The following SNX9 variants were observed in gnomAD, a reference collection of about 807,000 sequenced individuals.
The protein encoded by SNX9 is sorting nexin-9.
In SNX9, 44 loss-of-function variants were observed where a neutral mutation model predicts 89.4. The observed-to-expected ratio is 0.49, with a 90% CI of 0.39 to 0.63. The LOEUF is 0.63. Ranked by LOEUF, SNX9 falls within the 30% of genes least tolerant of loss-of-function variation. The pLI is 0.00. For synonymous variants in SNX9, 236 were observed against 247.8 expected (o/e 0.95, Z 0.45); for missense variants, 578 against 736.1 (o/e 0.79, Z 2.49).
chr6:157,867,505 T>C (rs764244533), intron 1 of SNX9, 42 bp from the exon 2 acceptor site: 3 of 1,529,612 alleles, frequency 2.0e-6, no homozygotes, highest in Non-Finnish European at 2.7e-6. Context: ...TACTACTCTG[T>C]TTGTGTTTGT....
At chr6:157,824,748 A>G (rs960569790) in intron 1 of SNX9, among the ~76,000 whole-genome samples, 3 of 152,112 alleles carry the variant, frequency 2.0e-5, no homozygotes, top group Non-Finnish European at 4.4e-5. Flanking sequence ...TCTTGTTAAT[A>G]TATTATTGCC....
chr6:157,923,369 G>C (rs1416852302), intron 10 of SNX9, among the ~76,000 whole-genome samples: 1 of 151,628 alleles, frequency 6.6e-6, no homozygotes, highest in African/African-American at 2.4e-5. Context: ...TAAGTGGTTA[G>C]TAAGGTAGCT....
intron 1 of SNX9, among the ~76,000 whole-genome samples, chr6:157,843,280 G>A (rs1054658094): frequency 6.6e-6 from 1 of 152,222 alleles, no homozygotes; most frequent in African/African-American, 2.4e-5. Flanking sequence ...CCGACCGCCT[G>A]CCCAGTTGAA....
chr6:157,826,938 A>ATATAAAATATATTATAGTT (rs1781370716), intron 1 of SNX9, among the ~76,000 whole-genome samples: 1 of 89,188 alleles, frequency 1.1e-5, no homozygotes, highest in Non-Finnish European at 1.9e-5. Flanking sequence ...TTTATATAAT[A>ATATAAAATATATTATAGTT]TATAAAATAT....
intron 8 of SNX9, 38 bp from the exon 9 acceptor site, chr6:157,909,870 T>A: frequency 6.2e-7 from 1 of 1,611,916 alleles, no homozygotes; most frequent in South Asian, 1.1e-5. Flanking sequence ...TTTCTAGAGT[T>A]GGCATTGGTA....
intron 4 of SNX9, among the ~76,000 whole-genome samples, chr6:157,890,356 T>A (rs1464184565): frequency 6.6e-6 from 1 of 152,222 alleles, no homozygotes; most frequent in East Asian, 1.9e-4. Context: ...ATTTAGCTAA[T>A]GCTGTAAATC....
intron 1 of SNX9, among the ~76,000 whole-genome samples, chr6:157,865,363 C>A (rs570419594): frequency 2.6e-5 from 4 of 151,360 alleles, no homozygotes; most frequent in African/African-American, 9.7e-5. Flanking sequence ...AAAAAAACAC[C>A]ACATAACATG....
At chr6:157,938,884 C>T (rs16900521) in intron 16 of SNX9, 137 bp downstream of exon 16, 7,857 of 604,170 alleles carry the variant, frequency 0.013, 161 homozygotes, top group African/African-American at 0.068. Context: ...TTGCAGGATC[C>T]CGGTGCTGAT....
intron 5 of SNX9, among the ~76,000 whole-genome samples, chr6:157,900,764 A>G (rs1449992200): frequency 1.3e-5 from 2 of 152,236 alleles, no homozygotes; most frequent in Admixed American, 6.5e-5. Flanking sequence ...ACAGAGCCTT[A>G]AAACAGAAAC....
At chr6:157,837,030 G>T (rs1781597986) in intron 1 of SNX9, among the ~76,000 whole-genome samples, 1 of 152,218 alleles carries the variant, frequency 6.6e-6, no homozygotes. Flanking sequence ...CCTAAGATCT[G>T]TGAGGCCGTA....
intron 9 of SNX9, among the ~76,000 whole-genome samples, chr6:157,920,186 T>G (rs551941795): frequency 6.6e-6 from 1 of 152,224 alleles, no homozygotes; most frequent in Non-Finnish European, 1.5e-5. Flanking sequence ...CCAGACCCTT[T>G]TGTGTCTCCT....
At chr6:157,881,557 T>C (rs1362064027) in intron 4 of SNX9, among the ~76,000 whole-genome samples, 2 of 152,206 alleles carry the variant, frequency 1.3e-5, no homozygotes, top group Non-Finnish European at 2.9e-5. Flanking sequence ...CAGGTCCTCT[T>C]GAGCCAAACA....
chr6:157,935,290 A>G (rs986882079), intron 13 of SNX9, among the ~76,000 whole-genome samples: 6 of 152,222 alleles, frequency 3.9e-5, no homozygotes, highest in African/African-American at 1.4e-4. Flanking sequence ...TACTAAAATA[A>G]AAGATCCAGA....
intron 1 of SNX9, among the ~76,000 whole-genome samples, chr6:157,843,394 T>C (rs1781741396): frequency 6.6e-6 from 1 of 151,986 alleles, no homozygotes; most frequent in East Asian, 1.9e-4. Context: ...TTGTATGTTA[T>C]ATGTATTACA....
At chr6:157,826,714 T>G (rs1196442809) in intron 1 of SNX9, among the ~76,000 whole-genome samples, 2 of 138,012 alleles carry the variant, frequency 1.4e-5, no homozygotes, top group Non-Finnish European at 3.0e-5. Flanking sequence ...AAAGGTTATA[T>G]TTCGACCCAG....
intron 4 of SNX9, among the ~76,000 whole-genome samples, chr6:157,888,017 A>G (rs576239856): frequency 6.6e-6 from 1 of 152,296 alleles, no homozygotes; most frequent in African/African-American, 2.4e-5. Flanking sequence ...AAGATGCTGT[A>G]TTGTAGGCCA....
chr6:157,866,003 T>C (rs1782253689), intron 1 of SNX9, among the ~76,000 whole-genome samples: 1 of 152,244 alleles, frequency 6.6e-6, no homozygotes. Flanking sequence ...ATCCCCAGTT[T>C]ATAGGATGGA....
intron 5 of SNX9, 26 bp from the exon 6 acceptor site, chr6:157,901,872 T>G: frequency 6.4e-7 from 1 of 1,568,130 alleles, no homozygotes; most frequent in Non-Finnish European, 8.6e-7. Context: ...TTTTTTTAAC[T>G]GATGATCTTC....
chr6:157,847,934 C>A (rs1176626919), intron 1 of SNX9, among the ~76,000 whole-genome samples: 2 of 152,140 alleles, frequency 1.3e-5, no homozygotes, highest in Non-Finnish European at 2.9e-5. Context: ...TGGCTTTACA[C>A]AGTCCTTTAT....
Sources: gnomAD v4.1 joint callset for allele counts (sites outside exome capture counted in the v4.1 genomes callset) on GRCh38, gnomAD v4.1.1 for gene constraint, MANE v1.5 for transcripts, NCBI Gene and HGNC (gene_info 2026-07-23, HGNC 2026-07-21) for gene names.